Variants in FAM219B observed in about 807,000 individuals in gnomAD.
FAM219B encodes the protein family with sequence similarity 219 member B.
In FAM219B, 18 loss-of-function variants were observed where a neutral mutation model predicts 19.9. That is an observed-to-expected ratio of 0.91 (90% CI 0.63 to 1.34). FAM219B has a LOEUF of 1.34. Among genes scored for constraint, FAM219B ranks in the 40% most tolerant of loss-of-function variants. The pLI is 0.00. For synonymous variants in FAM219B, 123 were observed against 117.5 expected (o/e 1.05, Z -0.30); for missense variants, 283 against 270.5 (o/e 1.05, Z -0.32).
chr15:74,906,328 T>C lies in FAM219B; in HGVS notation c.252A>G (p.Arg84=). 1 of 1,613,556 alleles carries C rather than the reference T, an allele frequency of 6.2e-7. No homozygotes were observed. The highest frequency in any genetic ancestry group is 8.5e-7 in the Non-Finnish European group (1 of 1,179,930). ...HRDLAKAVLR[R]KGMLGASPNR... ...TCGGCGAGGCCCCCAGCATGCCTTT[T>C]CTCCGCAGAACGGCCTTGGCCAGGT... Residue 84 remains arginine (R), a synonymous_variant, in exon 2 of 5, where the codon AGA becomes AGG. Coordinates refer to ENST00000357635, the MANE Select transcript of FAM219B (RefSeq NM_020447.5).
At chr15:74,905,536 G>A in intron 2 of FAM219B, 1 of 294,234 alleles carries the variant, frequency 3.4e-6, no homozygotes. Flanking sequence ...TGATTTTCCT[G>A]CCTCAGCCTC....
At position 74,902,696 on chromosome 15, in the gene FAM219B, G is replaced by C. The variant is rs150373765; in HGVS notation, c.520C>G (p.Pro174Ala). Residue 174 changes from proline to alanine, a missense_variant, in exon 5 of 5, where the codon CCT (proline) becomes GCT (alanine). By Grantham distance (27) the Pro-to-Ala change is conservative (BLOSUM62 -1). Transcript: ENST00000357635. ...CATGTTGAAGAGGCCATGGGCTTAG[G>C]GGGGATGAGGTCCAAGTCCTCGTCA... ...PDDEDLDLIP[P>A]KPMASSTCSC... The C allele has an allele frequency of 2.8e-3, 4,524 of 1,613,244 alleles. 13 individuals are homozygous for C. The highest frequency in any genetic ancestry group is 3.6e-3 in the Admixed American group (213 of 59,912).
At chr15:74,904,847 A>C (rs2065119593) in intron 3 of FAM219B, 135 bp from the exon 4 acceptor site, 1 of 1,425,928 alleles carries the variant, frequency 7.0e-7, no homozygotes, top group South Asian at 1.2e-5. Flanking sequence ...TCAAGTCCGA[A>C]CAGGCCTTGA....
intron 3 of FAM219B, 165 bp downstream of exon 3, chr15:74,904,989 T>G: frequency 6.5e-7 from 1 of 1,541,748 alleles, no homozygotes; most frequent in Non-Finnish European, 8.7e-7. Context: ...TACCTATGAG[T>G]CTTCTAACCA....
chr15:74,906,109 T>G, intron 2 of FAM219B, 169 bp downstream of exon 2: 1 of 696,880 alleles, frequency 1.4e-6, no homozygotes, highest in East Asian at 2.7e-5. Flanking sequence ...ATCACATCCT[T>G]AAAGGAAAAG....
At position 74,902,516 on chromosome 15, in the gene FAM219B, A is replaced by C; in HGVS notation, c.*103T>G. On this transcript the variant is annotated 3_prime_UTR_variant, in exon 5 of 5. Transcript: ENST00000357635. ...AAGGGCTACCTGCAGGTCACTTTCT[A>C]GGGGTCAGTGACTTCAGTGCTCACT... is the stretch of plus-strand genomic sequence containing the variant. 8.0e-7 allele frequency: 1 copy of C among 1,252,460 alleles called. No individual in the cohort carries two copies. Among genetic ancestry groups the C allele is most frequent in the Non-Finnish European group, 1.1e-6 (1 of 932,850 alleles). The allele number at this position is 1,252,460 out of a possible 1,614,324, so 77.6% of individuals were successfully genotyped here.
intron 4 of FAM219B, 50 bp downstream of exon 4, chr15:74,904,614 G>C: frequency 1.2e-6 from 2 of 1,604,718 alleles, no homozygotes; most frequent in South Asian, 1.1e-5. Flanking sequence ...GGCAGTGGTG[G>C]TAATGCTGCC....
In FAM219B at chr15:74,902,498, A is replaced by G; in HGVS notation, c.*121T>C. 2 of 1,028,152 alleles carry G rather than the reference A, an allele frequency of 1.9e-6. No individual in the cohort carries two copies. Among genetic ancestry groups the G allele is most frequent in the Non-Finnish European group, 2.7e-6 (2 of 745,994 alleles). The allele number at this position is 1,028,152 out of a possible 1,614,324, so 63.7% of individuals were successfully genotyped here. A position where few individuals can be genotyped will look rare whatever the true frequency, so the allele number is the denominator to read the frequency against. On this transcript the variant is annotated 3_prime_UTR_variant, in exon 5 of 5. Coordinates refer to ENST00000357635, the MANE Select transcript of FAM219B (RefSeq NM_020447.5). ...GCCTGAGAAGCAACAGGTAAGGGCTACCTGCAGGTCACTTTCTAGGGGTCA... is the reference window on the plus strand; with the variant it reads ...GCCTGAGAAGCAACAGGTAAGGGCTGCCTGCAGGTCACTTTCTAGGGGTCA...
Position 74,906,687 on chromosome 15 carries a change from G to A in FAM219B, c.114C>T (p.Ile38=), listed in dbSNP as rs2065211625. ...PGAAGPPSGQ[I]GNRALRLGER... ...CCCCCAGACGGAGGGCTCTATTACC[G>A]ATCTGCCCGGAGGGTGGCCCCGCAG... Residue 38 remains isoleucine (I), a synonymous_variant, in exon 1 of 5, where the codon ATC becomes ATT. Transcript: ENST00000357635. 3.4e-6 allele frequency: 5 copies of A among 1,469,448 alleles called. No homozygotes were observed. Among genetic ancestry groups the A allele is most frequent in the Non-Finnish European group, 4.5e-6 (5 of 1,113,826 alleles). The allele number at this position is 1,469,448 out of a possible 1,614,324, so 91.0% of individuals were successfully genotyped here.
At chr15:74,899,364 C>A (rs566561125), downstream of FAM219B, 1 of 152,324 alleles carries the variant, frequency 6.6e-6, no homozygotes, top group East Asian at 1.9e-4. Context: ...CAGGAAACCA[C>A]CTTCAAAAAT....
intron 3 of FAM219B, 103 bp downstream of exon 3, chr15:74,905,051 A>C (rs1374430673): frequency 6.3e-7 from 1 of 1,586,984 alleles, no homozygotes. Context: ...TGGAATGTAC[A>C]TGAAGGGCCT....
chr15:74,904,281 TAGA>T (rs1259537374), intron 4 of FAM219B, among the ~76,000 whole-genome samples: 3 of 152,340 alleles, frequency 2.0e-5, no homozygotes, highest in South Asian at 4.1e-4. Context: ...AGCTGTGGCC[TAGA>T]AGACTTTTAT....
rs1375281228 is a variant in FAM219B, at chr15:74,901,509, C to T, written c.*1110G>A. 6.6e-6 allele frequency: 1 copy of T among 152,170 alleles called. No individual in the cohort carries two copies. The highest frequency in any genetic ancestry group is 1.5e-5 in the Non-Finnish European group (1 of 68,062). 9.4% of individuals were successfully genotyped at this position (152,170 alleles called of 1,614,324 possible). A position where few individuals can be genotyped will look rare whatever the true frequency, so the allele number is the denominator to read the frequency against. On this transcript the variant is annotated 3_prime_UTR_variant, in exon 5 of 5. Coordinates refer to ENST00000357635, the MANE Select transcript of FAM219B (RefSeq NM_020447.5). ...CCAATCCTGAGTATCCAGTAAGGCCCATGCTGTGACCAGAAGAATCTGGCA... is the reference window on the plus strand; with the variant it reads ...CCAATCCTGAGTATCCAGTAAGGCCTATGCTGTGACCAGAAGAATCTGGCA...
At position 74,902,368 on chromosome 15, in the gene FAM219B, TTC is replaced by T. The variant is rs1319924323; in HGVS notation, c.*249_*250del. 4.9e-6 allele frequency: 2 copies of T among 406,138 alleles called. No homozygotes were observed. Among genetic ancestry groups the T allele is most frequent in the Non-Finnish European group, 4.3e-6 (1 of 231,384 alleles). The allele number at this position is 406,138 out of a possible 1,614,324, so 25.2% of individuals were successfully genotyped here. On this transcript the variant is annotated 3_prime_UTR_variant, in exon 5 of 5. Coordinates refer to ENST00000357635, the MANE Select transcript of FAM219B (RefSeq NM_020447.5). Reference sequence around the variant, plus strand: ...GTCACCCACCATAAGAACCAGAATTTTCTGTCTTGCCCTTATTAAAGTGACTT... The same window carrying T: ...GTCACCCACCATAAGAACCAGAATTTTGTCTTGCCCTTATTAAAGTGACTT...
At chr15:74,903,600 C>CAAAAAAAAAAAAAAAAAAAA (rs60354993) in intron 4 of FAM219B, among the ~76,000 whole-genome samples, 2 of 46,122 alleles carry the variant, frequency 4.3e-5, no homozygotes, top group Non-Finnish European at 9.1e-5. Flanking sequence ...GACTCTGTCT[C>CAAAAAAAAAAAAAAAAAAAA]AAAAAAAAAA....
chr15:74,906,305 G>A lies in FAM219B; in HGVS notation c.275C>T (p.Pro92Leu), dbSNP rs778897222. The A allele has an allele frequency of 6.2e-7, 1 of 1,613,606 alleles. No homozygotes were observed. The highest frequency in any genetic ancestry group is 8.5e-7 in the Non-Finnish European group (1 of 1,179,954). ...TTTCCCTGAAGAGTCTGGGCGGTTC[G>A]GCGAGGCCCCCAGCATGCCTTTTCT... ...LRRKGMLGAS[P>L]NRPDSSGKRS... The change falls in exon 2 of 5, where the codon CCG becomes CTG. Residue 92 changes from proline to leucine, a missense_variant. Transcript: ENST00000357635.
At chr15:74,905,264 T>C (rs769556195) in intron 2 of FAM219B, 33 bp from the exon 3 acceptor site, 9 of 1,603,280 alleles carry the variant, frequency 5.6e-6, no homozygotes, top group Admixed American at 1.7e-5. Context: ...AGACCAAACA[T>C]AGATGAAAGC....
At chr15:74,899,937 C>T (rs1343544980), downstream of FAM219B, 1 of 152,260 alleles carries the variant, frequency 6.6e-6, no homozygotes, top group African/African-American at 2.4e-5. Context: ...CAAGCATGAG[C>T]CATTGTGCCT....
At position 74,906,600 on chromosome 15, in the gene FAM219B, A is replaced by G. The variant is rs2141256852; in HGVS notation, c.201T>C (p.Ile67=). 6.6e-7 allele frequency: 1 copy of G among 1,507,622 alleles called. No homozygotes were observed. The highest frequency in any genetic ancestry group is 8.8e-7 in the Non-Finnish European group (1 of 1,130,412). 93.4% of individuals were successfully genotyped at this position (1,507,622 alleles called of 1,614,324 possible). A position where few individuals can be genotyped will look rare whatever the true frequency, so the allele number is the denominator to read the frequency against. ...GGCCACACTCACGCAGCTTGGCTTG[A>G]ATGGAGGGTGCGCGCGTCACCATGT... is the stretch of plus-strand genomic sequence containing the variant. ...GPYMVTRAPS[I]QAKLQKHRDL... Residue 67 remains isoleucine, a synonymous_variant, in exon 1 of 5, where the codon ATT becomes ATC. Transcript: ENST00000357635.
Sources: gnomAD v4.1 joint callset for allele counts (sites outside exome capture counted in the v4.1 genomes callset) on GRCh38, gnomAD v4.1.1 for gene constraint, MANE v1.5 for transcripts, NCBI Gene and HGNC (gene_info 2026-07-23, HGNC 2026-07-21) for gene names.